Variants in PPP1R1C observed in about 807,000 individuals in gnomAD.
PPP1R1C encodes protein phosphatase 1 regulatory subunit 1C.
PPP1R1C carries 15 observed loss-of-function variants against 17.4 expected under a neutral mutation model. That is an observed-to-expected ratio of 0.86 (90% confidence interval 0.58 to 1.33). The LOEUF (loss-of-function observed/expected upper bound fraction) is 1.33, where lower values mean the gene tolerates loss of function less well. Ranked by LOEUF, PPP1R1C falls within the 40% of genes most tolerant of loss-of-function variation. PPP1R1C has a pLI of 0.00. For missense variants in PPP1R1C, 143 were observed against 130.0 expected (o/e 1.10, Z -0.48); for synonymous variants, 35 against 43.1 (o/e 0.81, Z 0.73).
At chr2:182,068,626 C>T (rs1359655415) in intron 4 of PPP1R1C, among the ~76,000 whole-genome samples, 1 of 152,166 alleles carries the variant, frequency 6.6e-6, no homozygotes, top group African/African-American at 2.4e-5. Flanking sequence ...CTCATTTCAC[C>T]TAGCTCCGGT....
At chr2:182,018,029 C>T (rs1686309884) in intron 2 of PPP1R1C, among the ~76,000 whole-genome samples, 3 of 151,906 alleles carry the variant, frequency 2.0e-5, no homozygotes, top group Admixed American at 6.6e-5. Context: ...TACATTCAGA[C>T]TAATCAATAA....
At chr2:182,002,167 A>G (rs569392320) in intron 2 of PPP1R1C, among the ~76,000 whole-genome samples, 2 of 149,806 alleles carry the variant, frequency 1.3e-5, no homozygotes, top group East Asian at 1.9e-4. Context: ...TTTTCCTGAC[A>G]TACTACAACC....
intron 2 of PPP1R1C, among the ~76,000 whole-genome samples, chr2:182,043,565 GTAA>G (rs554268596): frequency 2.7e-4 from 41 of 150,952 alleles, no homozygotes; most frequent in South Asian, 1.0e-3. Context: ...CACGCCATGT[GTAA>G]GCAGTTTACA....
intron 4 of PPP1R1C, among the ~76,000 whole-genome samples, chr2:182,080,391 C>T (rs573256643): frequency 6.6e-6 from 1 of 152,354 alleles, no homozygotes; most frequent in South Asian, 2.1e-4. Context: ...TTTATAACGA[C>T]TTCGTCTTCT....
chr2:181,961,083 A>G lies in PPP1R1C; in HGVS notation n.111+6449A>G. 2 of 544,952 alleles carry G rather than the reference A, an allele frequency of 3.7e-6. No homozygotes were observed. Among genetic ancestry groups the G allele is most frequent in the Non-Finnish European group, 3.3e-6 (1 of 303,250 alleles). The allele number at this position is 544,952 out of a possible 1,614,324, so 33.8% of individuals were successfully genotyped here. A position where few individuals can be genotyped will look rare whatever the true frequency, so the allele number is the denominator to read the frequency against. On this transcript the variant is annotated intron_variant and non_coding_transcript_variant, in intron 1 of 5. Transcript: ENST00000464264. This position sits in a 1 kb window ranked among gnomAD's most constrained non-coding sequence, Gnocchi z 5.8. ...ACTGCAAAATAAAGGCTGTAACAGG[A>G]GCGTGTGTCACATCATCATAGCAGT...
At chr2:182,096,013 A>G (rs1688923357) in intron 4 of PPP1R1C, among the ~76,000 whole-genome samples, 1 of 151,638 alleles carries the variant, frequency 6.6e-6, no homozygotes, top group Non-Finnish European at 1.5e-5. Context: ...AAAAAAAGGT[A>G]GTACCTGATA....
chr2:181,959,820 C>T (rs1323423567), intron 1 of PPP1R1C, among the ~76,000 whole-genome samples: 1 of 152,164 alleles, frequency 6.6e-6, no homozygotes, highest in African/African-American at 2.4e-5. Flanking sequence ...TGTCACTATA[C>T]ATCATTTTAC....
intron 2 of PPP1R1C, among the ~76,000 whole-genome samples, chr2:182,023,572 A>T (rs1003776296): frequency 3.3e-5 from 5 of 152,218 alleles, no homozygotes; most frequent in Admixed American, 1.3e-4. Flanking sequence ...GACATTGATG[A>T]TCCAACAACA....
intron 4 of PPP1R1C, among the ~76,000 whole-genome samples, chr2:182,093,841 A>G (rs985837406): frequency 6.6e-6 from 1 of 152,196 alleles, no homozygotes; most frequent in Non-Finnish European, 1.5e-5. Context: ...ATTTTGGTCA[A>G]AGCCATTCAA....
At chr2:181,992,007 G>A (rs923142661) in intron 2 of PPP1R1C, among the ~76,000 whole-genome samples, 1 of 152,100 alleles carries the variant, frequency 6.6e-6, no homozygotes, top group Non-Finnish European at 1.5e-5. Context: ...AATGTCTTAA[G>A]TAGACTTATG....
Position 181,967,835 on chromosome 2 carries a change from C to T in PPP1R1C, n.112-7384C>T, listed in dbSNP as rs949942845. Among the ~76,000 whole-genome samples the T allele has an allele frequency of 5.9e-5, 9 of 152,234 alleles. No individual in the cohort carries two copies. Among genetic ancestry groups the T allele is most frequent in the African/African-American group, 1.9e-4 (8 of 41,460 alleles). On this transcript the variant is annotated intron_variant and non_coding_transcript_variant, in intron 1 of 5. Coordinates refer to the PPP1R1C transcript ENST00000464264. This position sits in a 1 kb window ranked among gnomAD's most constrained non-coding sequence, Gnocchi z 5.5. ...GGTTCAAGCAATTCTCCTGCCTCAG[C>T]CTCCAGAGTAGCTGGGATTACAGGC...
chr2:182,098,883 ACCTAT>A (rs904854898), intron 4 of PPP1R1C, among the ~76,000 whole-genome samples: 1 of 152,214 alleles, frequency 6.6e-6, no homozygotes, highest in African/African-American at 2.4e-5. Context: ...CATTATCTTT[ACCTAT>A]CATAGTCTTT....
intron 2 of PPP1R1C, among the ~76,000 whole-genome samples, chr2:182,043,218 T>C (rs1421171241): frequency 6.6e-6 from 1 of 152,142 alleles, no homozygotes; most frequent in East Asian, 1.9e-4. Context: ...TGGAAGTAAA[T>C]TTGATCCATC....
chr2:182,067,911 TG>T (rs1308207756), intron 4 of PPP1R1C, among the ~76,000 whole-genome samples: 3 of 152,114 alleles, frequency 2.0e-5, no homozygotes, highest in Non-Finnish European at 4.4e-5. Flanking sequence ...TATAATTGAA[TG>T]GCAATTTAAT....
chr2:182,105,425 A>G (rs1204317752), intron 4 of PPP1R1C, among the ~76,000 whole-genome samples: 1 of 152,132 alleles, frequency 6.6e-6, no homozygotes, highest in Non-Finnish European at 1.5e-5. Context: ...GGCATTCTGT[A>G]ATTACAGAGA....
intron 4 of PPP1R1C, among the ~76,000 whole-genome samples, chr2:182,098,497 C>A (rs1234856086): frequency 6.6e-6 from 1 of 151,988 alleles, no homozygotes; most frequent in Non-Finnish European, 1.5e-5. Context: ...GAACAAATAT[C>A]TAAAATAAGT....
chr2:182,088,303 A>G (rs1412801798), intron 4 of PPP1R1C, among the ~76,000 whole-genome samples: 2 of 152,172 alleles, frequency 1.3e-5, no homozygotes, highest in Non-Finnish European at 2.9e-5. Context: ...CAGGGCCTTT[A>G]CTATCAGTAG....
chr2:182,006,772 A>G (rs537578652), intron 2 of PPP1R1C, among the ~76,000 whole-genome samples: 1 of 152,324 alleles, frequency 6.6e-6, no homozygotes, highest in Admixed American at 6.5e-5. Flanking sequence ...TTGAGTTATT[A>G]CAAAACAGCA....
chr2:181,975,043 G>T (rs1436909249), intron 1 of PPP1R1C, among the ~76,000 whole-genome samples: 1 of 151,990 alleles, frequency 6.6e-6, no homozygotes, highest in African/African-American at 2.4e-5. Flanking sequence ...CAATCATATG[G>T]GGTTACAAGG....
Sources: gnomAD v4.1 joint callset for allele counts (sites outside exome capture counted in the v4.1 genomes callset) on GRCh38, gnomAD v4.1.1 for gene constraint, Gnocchi (gnomAD v3.1) non-coding constraint, MANE v1.5 for transcripts, NCBI Gene and HGNC (gene_info 2026-07-23, HGNC 2026-07-21) for gene names.